Variants in CBLB observed in about 807,000 individuals in gnomAD.
CBLB encodes Cbl proto-oncogene B, also known as E3 ubiquitin-protein ligase CBL-B.
CBLB carries 31 observed loss-of-function variants against 104.9 expected under a neutral mutation model. The observed-to-expected ratio is 0.30, with a 90% CI of 0.22 to 0.40. The LOEUF is 0.40. Among genes scored for constraint, CBLB ranks in the 10% least tolerant of loss-of-function variants. The pLI, the probability that CBLB is intolerant of heterozygous loss-of-function variation, is 1.00. For synonymous variants in CBLB, 440 were observed against 422.6 expected (o/e 1.04, Z -0.51); for missense variants, 1,062 against 1,214.6 (o/e 0.87, Z 1.87).
chr3:105,672,640 A>G (rs919910296), intron 17 of CBLB: 1 of 152,642 alleles, frequency 6.6e-6, no homozygotes, highest in African/African-American at 2.4e-5. Flanking sequence ...GATCACAGCC[A>G]ATTTATCACT....
intron 9 of CBLB, among the ~76,000 whole-genome samples, chr3:105,722,623 T>G (rs1316398687): frequency 6.6e-6 from 1 of 152,126 alleles, no homozygotes; most frequent in African/African-American, 2.4e-5. Flanking sequence ...ACATTATTTT[T>G]TAGTACAGTG....
intron 3 of CBLB, among the ~76,000 whole-genome samples, chr3:105,834,256 T>C (rs2088067740): frequency 6.6e-6 from 1 of 152,142 alleles, no homozygotes; most frequent in Admixed American, 6.6e-5. Flanking sequence ...AAAAAGTAAG[T>C]ATGGGAAGTA....
At chr3:105,711,555 TA>T (rs11293757) in intron 10 of CBLB, among the ~76,000 whole-genome samples, 31,681 of 151,900 alleles carry the variant, frequency 0.21, 3,400 homozygotes, top group Admixed American at 0.26. Flanking sequence ...TGACTTGTGT[TA>T]TCTATTTTAG....
In CBLB at chr3:105,658,483, G is replaced by C. The variant is rs1163793132; in HGVS notation, c.*487C>G. 1 of 231,006 alleles carries C rather than the reference G, an allele frequency of 4.3e-6. No homozygotes were observed. Among genetic ancestry groups the C allele is most frequent in the African/African-American group, 2.2e-5 (1 of 44,920 alleles). 14.3% of individuals were successfully genotyped at this position (231,006 alleles called of 1,614,324 possible). On this transcript the variant is annotated 3_prime_UTR_variant, in exon 19 of 19. Coordinates refer to ENST00000394030, the MANE Select transcript of CBLB (RefSeq NM_170662.5). ...AGAAATGGAACTGGACCTGGGCAAG[G>C]CATGGGGATGGTAGAGATCCATATG...
At position 105,809,377 on chromosome 3, in the gene CBLB, T is replaced by C. The variant is rs960394700; in HGVS notation, c.420-32835A>G. 2.6e-5 allele frequency among the ~76,000 whole-genome samples: 4 copies of C among 152,324 alleles called. No homozygotes were observed. The East Asian group carries it at 5.8e-4, about 22-fold the overall frequency. ...TCCTTAAAAATTGTATCAACAGTCA[T>C]TTAACTCCTTGAGCAGCTTAGAAGC... is the stretch of plus-strand genomic sequence containing the variant. On this transcript the variant is annotated intron_variant, in intron 3 of 18. Coordinates refer to ENST00000394030, the MANE Select transcript of CBLB (RefSeq NM_170662.5).
intron 3 of CBLB, among the ~76,000 whole-genome samples, chr3:105,849,610 T>A (rs2090696376): frequency 6.6e-6 from 1 of 152,120 alleles, no homozygotes; most frequent in Admixed American, 6.6e-5. Context: ...TTATAAAACA[T>A]CTACTGAGTT....
chr3:105,794,513 T>C (rs2082035816), intron 3 of CBLB, among the ~76,000 whole-genome samples: 1 of 152,178 alleles, frequency 6.6e-6, no homozygotes, highest in Non-Finnish European at 1.5e-5. Context: ...ACCTCAGAGA[T>C]CATTTATTAA....
At chr3:105,818,085 G>A (rs2085313827) in intron 3 of CBLB, among the ~76,000 whole-genome samples, 1 of 152,036 alleles carries the variant, frequency 6.6e-6, no homozygotes, top group South Asian at 2.1e-4. Flanking sequence ...TAATATTAAA[G>A]TGGCTGTTTC....
In CBLB at chr3:105,658,927, A is replaced by C; in HGVS notation, c.*43T>G. On this transcript the variant is annotated 3_prime_UTR_variant, in exon 19 of 19. Coordinates refer to ENST00000394030, the MANE Select transcript of CBLB (RefSeq NM_170662.5). ...TTCTCTTTATTTCCACACTCTTGGA[A>C]TACATCGATTGCTTTCCATTTTGGT... 6.2e-7 allele frequency: 1 copy of C among 1,600,766 alleles called. No homozygotes were observed.
chr3:105,702,292 T>C lies in CBLB; in HGVS notation c.1761A>G (p.Pro587=). The change falls in exon 12 of 19, where the codon CCA becomes CCG. Residue 587 remains proline (P), a synonymous_variant. Transcript: ENST00000394030. ...GAGGGCACCATGCTTCAAGAGGCAT[T>C]GGCGGGTCTCTGGAAGGCACGCTTT... is the stretch of plus-strand genomic sequence containing the variant. ...HVESVPSRDP[P]MPLEAWCPRD... is the part of the protein sequence containing the mutation. 6.2e-7 allele frequency: 1 copy of C among 1,613,926 alleles called. No individual in the cohort carries two copies. The highest frequency in any genetic ancestry group is 8.5e-7 in the Non-Finnish European group (1 of 1,179,946).
chr3:105,670,923 A>G (rs1307086351), intron 17 of CBLB: 1 of 163,862 alleles, frequency 6.1e-6, no homozygotes, highest in Non-Finnish European at 1.3e-5. Context: ...GCTTAACATC[A>G]TTGTTGTTAG....
intron 9 of CBLB, among the ~76,000 whole-genome samples, chr3:105,724,934 A>G (rs1168553052): frequency 6.6e-6 from 1 of 152,218 alleles, no homozygotes; most frequent in Non-Finnish European, 1.5e-5. Context: ...GGAAATCACA[A>G]CAAGGGGATC....
intron 2 of CBLB, among the ~76,000 whole-genome samples, chr3:105,854,431 G>T (rs980187127): frequency 6.6e-6 from 1 of 152,138 alleles, no homozygotes; most frequent in Admixed American, 6.5e-5. Flanking sequence ...TATCCCTCCA[G>T]AAAGGGCATA....
intron 3 of CBLB, among the ~76,000 whole-genome samples, chr3:105,843,324 T>C (rs78319752): frequency 0.022 from 3,323 of 152,340 alleles, 76 homozygotes; most frequent in East Asian, 0.12. Context: ...AAAATGAATG[T>C]GGTGTTTGTT....
chr3:105,824,915 G>T (rs991516369), intron 3 of CBLB, among the ~76,000 whole-genome samples: 22 of 152,128 alleles, frequency 1.4e-4, no homozygotes, highest in African/African-American at 4.6e-4. Context: ...GTTAGGACAT[G>T]AGAGAGCCAT....
chr3:105,751,883 A>G (rs996078426), intron 4 of CBLB, among the ~76,000 whole-genome samples: 1 of 152,210 alleles, frequency 6.6e-6, no homozygotes, highest in African/African-American at 2.4e-5. Flanking sequence ...CTATAGAAAC[A>G]TATCTGAAAA....
intron 12 of CBLB, among the ~76,000 whole-genome samples, chr3:105,697,577 C>G (rs6787175): frequency 0.46 from 70,090 of 151,716 alleles, 16,711 homozygotes; most frequent in East Asian, 0.74. Context: ...AGCACACACA[C>G]AGGACTGATT....
In CBLB at chr3:105,695,501, T is replaced by C. The variant is rs3772535; in HGVS notation, c.1960-1913A>G. On this transcript the variant is annotated intron_variant, in intron 12 of 18. Transcript: ENST00000394030. ...AAGACAAGTCATACAGGCAATGATGTCTATCACTAGTAAAGCCACAAAGTA... is the reference window on the plus strand; with the variant it reads ...AAGACAAGTCATACAGGCAATGATGCCTATCACTAGTAAAGCCACAAAGTA... 5.4e-3 allele frequency among the ~76,000 whole-genome samples: 828 copies of C among 151,952 alleles called. 27 individuals are homozygous for C. The highest frequency in any genetic ancestry group is 0.04 in the East Asian group (205 of 5,184).
chr3:105,868,301 G>T, intron 1 of CBLB: 1 of 1,000,278 alleles, frequency 1.0e-6, no homozygotes, highest in Non-Finnish European at 1.3e-6. Flanking sequence ...CACTTCTCTG[G>T]CTCCTCGCCT....
Sources: allele counts gnomAD v4.1 joint callset (sites outside exome capture counted in the v4.1 genomes callset), GRCh38; gene constraint gnomAD v4.1.1; transcripts MANE v1.5; gene names NCBI Gene and HGNC (gene_info 2026-07-23, HGNC 2026-07-21).